Variants in CDH24 observed in about 807,000 individuals in gnomAD.
CDH24 encodes cadherin 24.
Under a neutral mutation model 71.2 loss-of-function variants are expected in CDH24, and 61 were observed. The ratio of observed to expected loss-of-function variants is 0.86; its 90% CI spans 0.70 to 1.06. The LOEUF (loss-of-function observed/expected upper bound fraction) is 1.06, where lower values mean the gene tolerates loss of function less well. Among genes scored for constraint, CDH24 ranks in the 50% least tolerant of loss-of-function variants. The pLI is 0.00. For missense variants in CDH24, 961 were observed against 1,083.7 expected (o/e 0.89, Z 1.59); for synonymous variants, 440 against 470.2 (o/e 0.94, Z 0.83).
rs560679160 is a variant in CDH24 at position 23,054,930 on chromosome 14, G to GC, written c.497-65_497-64insG. 1,102 of 1,604,030 alleles carry GC rather than the reference G, an allele frequency of 6.9e-4. 3 individuals carry two copies. The highest frequency in any genetic ancestry group is 8.6e-4 in the Non-Finnish European group (1,016 of 1,175,146). The stretch of plus-strand genomic sequence containing the variant: ...GAAGGATGGGGAAGAACAACCGATG[G>GC]GGGGGGATGCAGATACGAGGGAGGC... On this transcript the variant is annotated intron_variant, in intron 3 of 12. Coordinates refer to ENST00000487137, the MANE Select transcript of CDH24 (RefSeq NM_144985.4). This position sits in a 1 kb window ranked among gnomAD's most constrained non-coding sequence, Gnocchi z 5.2.
rs144187499 is a variant in CDH24, at chr14:23,048,927, A to G, written c.1846+100T>C. The stretch of plus-strand genomic sequence containing the variant: ...GAAAATCCAGGTATGAGGGTCGTTC[A>G]AGCCCTAAGGTGGATTTCCCTGTGT... On this transcript the variant is annotated intron_variant, in intron 11 of 12. Coordinates refer to ENST00000487137, the MANE Select transcript of CDH24 (RefSeq NM_144985.4). 3.0e-4 allele frequency: 419 copies of G among 1,416,206 alleles called. 1 individual carries two copies. The Middle Eastern group carries it at 4.6e-3, about 16-fold the overall frequency. The allele number at this position is 1,416,206 out of a possible 1,614,324, so 87.7% of individuals were successfully genotyped here.
rs1339565698 is a variant in CDH24 at position 23,048,047 on chromosome 14, T to C, written c.2279A>G (p.Asp760Gly). ...GGAPGPAEPL[D>G]DWGPLFRTLA... ...GGTGCGGAAGAGCGGACCCCAGTCG[T>C]CCAGCGGCTCCGCGGGGCCGGGGGC... Residue 760 changes from aspartate to glycine, a missense_variant, in exon 12 of 13, where the codon GAC (aspartate) becomes GGC (glycine). Asp to Gly is a moderately conservative substitution (Grantham distance 94, BLOSUM62 -1). This residue lies in a region of CDH24 where 290 missense variants were observed against 272.8 expected (regional missense o/e 1.06). Coordinates refer to ENST00000487137, the MANE Select transcript of CDH24 (RefSeq NM_144985.4). 2.8e-6 allele frequency: 4 copies of C among 1,445,440 alleles called. No homozygotes were observed. Among genetic ancestry groups the C allele is most frequent in the African/African-American group, 3.0e-5 (2 of 66,878 alleles). The allele number at this position is 1,445,440 out of a possible 1,614,324, so 89.5% of individuals were successfully genotyped here.
At chr14:23,052,983 T>C (rs1343743117) in intron 7 of CDH24, among the ~76,000 whole-genome samples, 1 of 152,058 alleles carries the variant, frequency 6.6e-6, no homozygotes, top group Non-Finnish European at 1.5e-5. Flanking sequence ...TTAACCTCTA[T>C]TTACTCAACT....
In CDH24 at chr14:23,053,645, G is replaced by A. The variant is rs1455514293; in HGVS notation, c.1077C>T (p.Ala359=). The part of the protein sequence containing the change: ...YLRRGPFKDV[A]SVRVAVQDAP... ...CATCTTGCACTGCCACACGCACAGA[G>A]GCCACATCCTTGAAGGGCCCTCGCC... Residue 359 remains alanine, a synonymous_variant, in exon 7 of 13, where the codon GCC becomes GCT. Coordinates refer to ENST00000487137, the MANE Select transcript of CDH24 (RefSeq NM_144985.4). The A allele has an allele frequency of 4.3e-6, 7 of 1,613,998 alleles. No homozygotes were observed. The highest frequency in any genetic ancestry group is 5.9e-6 in the Non-Finnish European group (7 of 1,179,954).
Position 23,055,053 on chromosome 14 carries a change from G to C in CDH24, c.496+6C>G, listed in dbSNP as rs767133342. On this transcript the variant is annotated splice_donor_region_variant and intron_variant, in intron 3 of 12. Coordinates refer to ENST00000487137, the MANE Select transcript of CDH24 (RefSeq NM_144985.4). This position sits in a 1 kb window ranked among gnomAD's most constrained non-coding sequence, Gnocchi z 4.1. Reference sequence around the variant, plus strand: ...GAACTGGGGCATTCAGAGCTGGGGTGCTCACCGACATTGGACATCTCGGGC... The same window carrying C: ...GAACTGGGGCATTCAGAGCTGGGGTCCTCACCGACATTGGACATCTCGGGC... 3 of 1,606,994 alleles carry C rather than the reference G, an allele frequency of 1.9e-6. No homozygotes were observed. In the Admixed American group the frequency reaches 5.0e-5, roughly 27 times the overall value.
chr14:23,055,740 A>G lies in CDH24; in HGVS notation c.-7T>C, dbSNP rs752447549. The G allele has an allele frequency of 1.8e-5, 28 of 1,565,882 alleles. No homozygotes were observed. Among genetic ancestry groups the G allele is most frequent in the Non-Finnish European group, 2.2e-5 (25 of 1,162,630 alleles). On this transcript the variant is annotated 5_prime_UTR_variant, in exon 2 of 13. Transcript: ENST00000487137. This position sits in a 1 kb window ranked among gnomAD's most constrained non-coding sequence, Gnocchi z 4.1. The stretch of plus-strand genomic sequence containing the variant: ...GCCTCACCAGGCCCCACATGTTTGG[A>G]CTCCAGCCAGGGCTCTGTTCACTGG...
Position 23,055,384 on chromosome 14 carries a change from C to T in CDH24, c.202-31G>A, listed in dbSNP as rs771212310. The T allele has an allele frequency of 4.9e-5, 78 of 1,596,964 alleles. 2 individuals carry two copies. In the South Asian group the frequency reaches 8.0e-4, roughly 16 times the overall value. Reference sequence around the variant, plus strand: ...GGGGTCACGAAAAGATGGCAGAGGGCTCCAAGTACAGAGACAGGGTTAAAG... The same window carrying T: ...GGGGTCACGAAAAGATGGCAGAGGGTTCCAAGTACAGAGACAGGGTTAAAG... On this transcript the variant is annotated intron_variant, in intron 2 of 12. Transcript: ENST00000487137. This position sits in a 1 kb window ranked among gnomAD's most constrained non-coding sequence, Gnocchi z 4.1.
At position 23,055,101 on chromosome 14, in the gene CDH24, G is replaced by A. The variant is rs774495471; in HGVS notation, c.454C>T (p.Leu152Phe). Reference sequence around the variant, plus strand: ...GGCACGGTGGCATGGTAGGGCCCAAGGGGAAAAATGGGTGGATTGTCGTTG... The same window carrying A: ...GGCACGGTGGCATGGTAGGGCCCAAAGGGAAAAATGGGTGGATTGTCGTTG... ...DINDNPPIFPLGPYHATVPEM... is the reference protein window; with the variant it reads ...DINDNPPIFPFGPYHATVPEM... Residue 152 changes from leucine to phenylalanine, a missense_variant, in exon 3 of 13, where the codon CTT becomes TTT. Around this residue, in one of 2 missense-constraint regions of CDH24, gnomAD observed 671 missense variants for 810.9 expected, o/e 0.83. Coordinates refer to ENST00000487137, the MANE Select transcript of CDH24 (RefSeq NM_144985.4). This position sits in a 1 kb window ranked among gnomAD's most constrained non-coding sequence, Gnocchi z 4.1. 2 of 1,613,864 alleles carry A rather than the reference G, an allele frequency of 1.2e-6. No homozygotes were observed. Among genetic ancestry groups the A allele is most frequent in the East Asian group, 2.2e-5 (1 of 44,876 alleles).
In CDH24 at chr14:23,048,142, G is replaced by A. The variant is rs1377317651; in HGVS notation, c.2184C>T (p.Tyr728=). The A allele has an allele frequency of 2.2e-6, 3 of 1,393,712 alleles. No homozygotes were observed. Among genetic ancestry groups the A allele is most frequent in the South Asian group, 1.5e-5 (1 of 66,068 alleles). The allele number at this position is 1,393,712 out of a possible 1,614,324, so 86.3% of individuals were successfully genotyped here. A position where few individuals can be genotyped will look rare whatever the true frequency, so the allele number is the denominator to read the frequency against. The change falls in exon 12 of 13, where the codon TAC becomes TAT. Residue 728 remains tyrosine, a synonymous_variant. Coordinates refer to ENST00000487137, the MANE Select transcript of CDH24 (RefSeq NM_144985.4). ...GVPPYDSVQV[Y]GYEGRGSSCG... Reference sequence around the variant, plus strand: ...AAGAGGAGCCGCGGCCCTCGTAGCCGTACACCTGCACCGAGTCGTACGGGG... The same window carrying A: ...AAGAGGAGCCGCGGCCCTCGTAGCCATACACCTGCACCGAGTCGTACGGGG...
intron 8 of CDH24, 139 bp downstream of exon 8, chr14:23,052,334 A>G: frequency 1.1e-6 from 1 of 940,694 alleles, no homozygotes; most frequent in South Asian, 1.4e-5. Context: ...CCAGGCTAGG[A>G]CTCAGATCCA....
chr14:23,052,540 A>G lies in CDH24; in HGVS notation c.1296T>C (p.His432=), dbSNP rs758296999. 5 of 1,614,060 alleles carry G rather than the reference A, an allele frequency of 3.1e-6. No homozygotes were observed. Among genetic ancestry groups the G allele is most frequent in the Non-Finnish European group, 4.2e-6 (5 of 1,179,990 alleles). Residue 432 remains histidine, a synonymous_variant, in exon 8 of 13, where the codon CAT becomes CAC. Transcript: ENST00000487137. The part of the protein sequence containing the change: ...FSIQPEEGTI[H]TAAPLDREAR... ...CCTCGCGATCCAGGGGTGCTGCTGT[A>G]TGGATGGTGCCTTCCTCGGGCTGGA...
At chr14:23,049,770 A>T (rs751876578) in intron 9 of CDH24, 32 bp from the exon 10 acceptor site, 3 of 1,612,546 alleles carry the variant, frequency 1.9e-6, no homozygotes, top group Non-Finnish European at 8.5e-7. Flanking sequence ...CCTTGTATGG[A>T]GTGGGCTGCT....
chr14:23,052,552 T>C lies in CDH24; in HGVS notation c.1284A>G (p.Glu428=). The change falls in exon 8 of 13, where the codon GAA becomes GAG. Residue 428 remains glutamate, a synonymous_variant. Transcript: ENST00000487137. The stretch of plus-strand genomic sequence containing the variant: ...GGGGTGCTGCTGTATGGATGGTGCC[T>C]TCCTCGGGCTGGATAGAGAAGCAAC... ...PERCFSIQPE[E]GTIHTAAPLD... is the part of the protein sequence containing the mutation. 1 of 1,614,024 alleles carries C rather than the reference T, an allele frequency of 6.2e-7. No individual in the cohort carries two copies. Among genetic ancestry groups the C allele is most frequent in the South Asian group, 1.1e-5 (1 of 91,080 alleles).
rs142937183 is a variant in CDH24, at chr14:23,055,562, C to T, written c.172G>A (p.Ala58Thr). Residue 58 changes from alanine (A) to threonine (T), a missense_variant, in exon 2 of 13, where the codon GCT becomes ACT. Ala to Thr is a moderately conservative substitution (Grantham distance 58). This residue lies in a region of CDH24 where 671 missense variants were observed against 810.9 expected (regional missense o/e 0.83). Coordinates refer to ENST00000487137, the MANE Select transcript of CDH24 (RefSeq NM_144985.4). This position sits in a 1 kb window ranked among gnomAD's most constrained non-coding sequence, Gnocchi z 4.1. ...CCAATGAGAACAGGCTCTGGACCAG[C>T]ATATTCCTCAATGACAAAGAACTGG... is the stretch of plus-strand genomic sequence containing the variant. ...WNQFFVIEEY[A>T]GPEPVLIGKL... The T allele has an allele frequency of 1.6e-3, 2,610 of 1,614,058 alleles. 7 individuals are homozygous for T. The highest frequency in any genetic ancestry group is 2.0e-3 in the Non-Finnish European group (2,414 of 1,180,012).
At chr14:23,048,630 C>T in intron 11 of CDH24, 151 bp from the exon 12 acceptor site, 2 of 773,092 alleles carry the variant, frequency 2.6e-6, no homozygotes, top group South Asian at 3.3e-5. Context: ...TGACTTCAGC[C>T]CTTACTCGCT....
chr14:23,048,387 AGGT>A lies in CDH24; in HGVS notation c.1936_1938del (p.Thr646del). On this transcript the variant is annotated inframe_deletion, in exon 12 of 13. Transcript: ENST00000487137. ...TCCTCGCCGCCGCCCTCGTCGTCGT[AGGT>A]GATGATGTTCTCTCGGACGTCCTCC... is the stretch of plus-strand genomic sequence containing the variant. 1 of 1,612,472 alleles carries A rather than the reference AGGT, an allele frequency of 6.2e-7. No homozygotes were observed. Among genetic ancestry groups the A allele is most frequent in the Non-Finnish European group, 8.5e-7 (1 of 1,179,588 alleles).
chr14:23,054,043 G>A lies in CDH24; in HGVS notation c.972+98C>T, dbSNP rs746392220. On this transcript the variant is annotated intron_variant, in intron 6 of 12. Coordinates refer to ENST00000487137, the MANE Select transcript of CDH24 (RefSeq NM_144985.4). This position sits in a 1 kb window ranked among gnomAD's most constrained non-coding sequence, Gnocchi z 5.2. ...ACCATGATCTCTAAGCTCCAACAGA[G>A]AGATCCTGAGTCTGTTCTAGAAGAA... The A allele has an allele frequency of 4.6e-5, 60 of 1,297,828 alleles. No homozygotes were observed. Among genetic ancestry groups the A allele is most frequent in the Non-Finnish European group, 6.2e-5 (59 of 949,962 alleles). 80.4% of individuals were successfully genotyped at this position (1,297,828 alleles called of 1,614,324 possible). A position where few individuals can be genotyped will look rare whatever the true frequency, so the allele number is the denominator to read the frequency against.
rs919892216 is a variant in CDH24 at position 23,053,707 on chromosome 14, C to T, written c.1015G>A (p.Glu339Lys). The change falls in exon 7 of 13, where the codon GAG becomes AAG. Residue 339 changes from glutamate to lysine, a missense_variant. Coordinates refer to ENST00000487137, the MANE Select transcript of CDH24 (RefSeq NM_144985.4). ...ESQRSYSFRV[E>K]ATNTLIDPAY... ...GGGTCAATGAGCGTGTTGGTGGCCT[C>T]GACACGGAAGGAGTAGGAGCGCTGG... 9 of 1,612,772 alleles carry T rather than the reference C, an allele frequency of 5.6e-6. 1 individual carries two copies. Among genetic ancestry groups the T allele is most frequent in the South Asian group, 2.2e-5 (2 of 91,064 alleles).
Position 23,054,983 on chromosome 14 carries a change from A to T in CDH24, c.496+76T>A. ...AATTGAAGGGGGCAGGTTCTGGGGC[A>T]GACAACAAGAAGGGAAGGAGAGGTG... On this transcript the variant is annotated intron_variant, in intron 3 of 12. Coordinates refer to ENST00000487137, the MANE Select transcript of CDH24 (RefSeq NM_144985.4). The surrounding 1 kb of genome is among the most constrained non-coding windows in gnomAD (Gnocchi z 5.2). 1 of 1,589,120 alleles carries T rather than the reference A, an allele frequency of 6.3e-7. No individual in the cohort carries two copies. The highest frequency in any genetic ancestry group is 8.6e-7 in the Non-Finnish European group (1 of 1,164,536).
Sources: gnomAD v4.1 joint callset for allele counts (sites outside exome capture counted in the v4.1 genomes callset) on GRCh38, gnomAD v4.1.1 for gene constraint, gnomAD v4.1.1 regional missense constraint, Gnocchi (gnomAD v3.1) non-coding constraint, MANE v1.5 for transcripts, NCBI Gene and HGNC (gene_info 2026-07-23, HGNC 2026-07-21) for gene names.